KIF2A: variants seen among roughly 807,000 people sequenced by gnomAD.
The protein encoded by KIF2A is kinesin-like protein KIF2A.
KIF2A carries 22 observed loss-of-function variants against 100.2 expected under a neutral mutation model. The observed-to-expected ratio is 0.22, with a 90% CI of 0.16 to 0.31. KIF2A has a LOEUF of 0.31. Ranked by LOEUF, KIF2A falls within the 10% of genes least tolerant of loss-of-function variation. The pLI, the probability that KIF2A is intolerant of heterozygous loss-of-function variation, is 1.00. For synonymous variants in KIF2A, 268 were observed against 285.9 expected (o/e 0.94, Z 0.63); for missense variants, 495 against 898.7 (o/e 0.55, Z 5.74).
intron 19 of KIF2A, among the ~76,000 whole-genome samples, chr5:62,380,346 G>C (rs1485247556): frequency 6.6e-6 from 1 of 152,168 alleles, no homozygotes; most frequent in African/African-American, 2.4e-5. Flanking sequence ...TTGAGGTTTT[G>C]AGACTTACTC....
intron 1 of KIF2A, among the ~76,000 whole-genome samples, chr5:62,345,361 A>G (rs968098656): frequency 6.6e-6 from 1 of 151,058 alleles, no homozygotes; most frequent in Non-Finnish European, 1.5e-5. Context: ...GCACTCCAGC[A>G]TGGGTGACAG....
chr5:62,308,209 A>G (rs967687930), intron 1 of KIF2A: 7 of 494,584 alleles, frequency 1.4e-5, no homozygotes, highest in Non-Finnish European at 2.0e-5. Context: ...CAATAACACT[A>G]ATGGGAAAGA....
rs1731584484 is a variant in KIF2A at position 62,386,596 on chromosome 5, T to C, written c.*1027T>C. On this transcript the variant is annotated 3_prime_UTR_variant, in exon 21 of 21. Coordinates refer to ENST00000407818, the MANE Select transcript of KIF2A (RefSeq NM_001098511.3). ...CATGTACATTGAAAGTAGTCCATAA[T>C]AGAAGTTAGTTTAAGCCAAGTGTAG... Among the ~76,000 whole-genome samples, 1 of 152,322 alleles carries C rather than the reference T, an allele frequency of 6.6e-6. No homozygotes were observed. Among genetic ancestry groups the C allele is most frequent in the Admixed American group, 6.5e-5 (1 of 15,302 alleles).
chr5:62,368,994 C>T (rs2111974477), intron 16 of KIF2A, among the ~76,000 whole-genome samples: 1 of 152,174 alleles, frequency 6.6e-6, no homozygotes, highest in South Asian at 2.1e-4. Context: ...AGATGAGGAA[C>T]AGCCTAGTGT....
In KIF2A at chr5:62,316,469, C is replaced by G. The variant is rs192333469; in HGVS notation, c.64+9933C>G. On this transcript the variant is annotated intron_variant, in intron 1 of 20. Coordinates refer to ENST00000407818, the MANE Select transcript of KIF2A (RefSeq NM_001098511.3). Reference sequence around the variant, plus strand: ...GGATTCTAAGTGCCATTTCAGTATTCAGAATCTCTTAACTACAGTTTGCAA... The same window carrying G: ...GGATTCTAAGTGCCATTTCAGTATTGAGAATCTCTTAACTACAGTTTGCAA... 5.9e-3 allele frequency among the ~76,000 whole-genome samples: 898 copies of G among 152,220 alleles called. 3 individuals carry two copies. Among genetic ancestry groups the G allele is most frequent in the South Asian group, 0.019 (94 of 4,822 alleles).
intron 1 of KIF2A, among the ~76,000 whole-genome samples, chr5:62,316,197 T>A (rs1401199165): frequency 6.6e-6 from 1 of 152,202 alleles, no homozygotes; most frequent in Non-Finnish European, 1.5e-5. Flanking sequence ...CAATGGGAAT[T>A]TGCTTAAGCT....
chr5:62,314,296 A>G (rs1745698372), intron 1 of KIF2A, among the ~76,000 whole-genome samples: 1 of 151,976 alleles, frequency 6.6e-6, no homozygotes, highest in Non-Finnish European at 1.5e-5. Flanking sequence ...ATGAGGCTCT[A>G]TTTCTACAAA....
At chr5:62,365,796 A>G (rs1419435435) in intron 15 of KIF2A, among the ~76,000 whole-genome samples, 1 of 152,180 alleles carries the variant, frequency 6.6e-6, no homozygotes, top group East Asian at 1.9e-4. Context: ...CCTGGGCAAC[A>G]ACTGGAATTG....
chr5:62,377,874 T>C (rs1741615589), intron 19 of KIF2A, 112 bp downstream of exon 19: 2 of 549,206 alleles, frequency 3.6e-6, no homozygotes, highest in Non-Finnish European at 6.2e-6. Context: ...TGTATATATG[T>C]ATATGTGTAT....
At chr5:62,368,344 A>G (rs553109548) in intron 16 of KIF2A, among the ~76,000 whole-genome samples, 1 of 152,154 alleles carries the variant, frequency 6.6e-6, no homozygotes, top group African/African-American at 2.4e-5. Flanking sequence ...TGAACATTAC[A>G]CAATGGTATT....
At chr5:62,384,756 C>T (rs538549342) in intron 20 of KIF2A, among the ~76,000 whole-genome samples, 2 of 152,066 alleles carry the variant, frequency 1.3e-5, no homozygotes, top group South Asian at 4.2e-4. Context: ...ATTTAGTCAT[C>T]CCCCCTTCAC....
intron 1 of KIF2A, among the ~76,000 whole-genome samples, chr5:62,326,940 T>G (rs1318046007): frequency 6.6e-6 from 1 of 152,116 alleles, no homozygotes; most frequent in Non-Finnish European, 1.5e-5. Flanking sequence ...GAGATTGCAG[T>G]GAGCCGAGAT....
intron 15 of KIF2A, among the ~76,000 whole-genome samples, chr5:62,365,909 A>G (rs1447678560): frequency 6.6e-6 from 1 of 152,130 alleles, no homozygotes; most frequent in East Asian, 1.9e-4. Context: ...GGCAGTTTGT[A>G]TATAAAAGTT....
At chr5:62,319,632 CTT>C in intron 1 of KIF2A, among the ~76,000 whole-genome samples, 1 of 152,174 alleles carries the variant, frequency 6.6e-6, no homozygotes, top group Non-Finnish European at 1.5e-5. Flanking sequence ...ACTCTGCACA[CTT>C]TATAAATTAT....
chr5:62,316,323 C>T (rs116229460), intron 1 of KIF2A, among the ~76,000 whole-genome samples: 3,831 of 152,254 alleles, frequency 0.025, 144 homozygotes, highest in African/African-American at 0.085. Flanking sequence ...ATGACGTCAT[C>T]TCTTTAAGGG....
chr5:62,337,779 TC>T (rs11293419), intron 1 of KIF2A, among the ~76,000 whole-genome samples: 37,300 of 150,812 alleles, frequency 0.25, 4,679 homozygotes, highest in Middle Eastern at 0.3. Context: ...CCACCGTACT[TC>T]AGCCTGGGCA....
intron 1 of KIF2A, among the ~76,000 whole-genome samples, chr5:62,316,028 A>G (rs1402391368): frequency 6.6e-6 from 1 of 152,234 alleles, no homozygotes; most frequent in Non-Finnish European, 1.5e-5. Context: ...TTATTTAATC[A>G]GGCTAACGCT....
At chr5:62,347,308 AT>A in intron 2 of KIF2A, 84 bp downstream of exon 2, 4 of 745,014 alleles carry the variant, frequency 5.4e-6, no homozygotes, top group Non-Finnish European at 8.8e-6. Context: ...ACATAATGTT[AT>A]TTTATTTAGT....
At chr5:62,336,200 T>C (rs1561258745) in intron 1 of KIF2A, among the ~76,000 whole-genome samples, 1 of 152,208 alleles carries the variant, frequency 6.6e-6, no homozygotes, top group Non-Finnish European at 1.5e-5. Context: ...AAAAGTTTGA[T>C]TCCTATAGGA....
Sources: allele counts gnomAD v4.1 joint callset (sites outside exome capture counted in the v4.1 genomes callset), GRCh38; gene constraint gnomAD v4.1.1; transcripts MANE v1.5; gene names NCBI Gene and HGNC (gene_info 2026-07-23, HGNC 2026-07-21).